PMM2: variants seen among roughly 807,000 people sequenced by gnomAD.
The protein encoded by PMM2 is phosphomannomutase 2, also known as mannose-6-phosphate isomerase.
Under a neutral mutation model 33.2 loss-of-function variants are expected in PMM2, and 35 were observed. The ratio of observed to expected loss-of-function variants is 1.06; its 90% confidence interval spans 0.81 to 1.40. The LOEUF is 1.40. Among genes scored for constraint, PMM2 ranks in the 40% most tolerant of loss-of-function variants. The pLI, the probability that PMM2 is intolerant of heterozygous loss-of-function variation, is 0.00. For synonymous variants in PMM2, 153 were observed against 114.7 expected (o/e 1.33, Z -2.13); for missense variants, 386 against 306.0 (o/e 1.26, Z -1.95).
chr16:8,808,501 C>A (rs2141021212), intron 4 of PMM2: 1 of 152,352 alleles, frequency 6.6e-6, no homozygotes, highest in East Asian at 1.9e-4. Context: ...CTGAGACCCA[C>A]CTTGATCCAC....
chr16:8,820,739 G>A (rs2060734346), intron 7 of PMM2, among the ~76,000 whole-genome samples: 1 of 152,198 alleles, frequency 6.6e-6, no homozygotes, highest in Admixed American at 6.5e-5. Flanking sequence ...CTCAGGAAAG[G>A]CAGCTGGGAC....
chr16:8,811,258 G>A (rs1270043370), intron 5 of PMM2, 80 bp downstream of exon 5: 3 of 984,246 alleles, frequency 3.0e-6, no homozygotes, highest in East Asian at 5.2e-5. Context: ...GTTCATGCCT[G>A]TAATCCCAAC....
intron 7 of PMM2, among the ~76,000 whole-genome samples, chr16:8,846,795 A>G (rs1596509068): frequency 6.6e-6 from 1 of 152,190 alleles, no homozygotes; most frequent in Non-Finnish European, 1.5e-5. Flanking sequence ...TAGAACCAGC[A>G]TCTGACCCAG....
chr16:8,808,276 G>A (rs1238622324), intron 4 of PMM2: 1 of 151,824 alleles, frequency 6.6e-6, no homozygotes, highest in African/African-American at 2.4e-5. Flanking sequence ...GTTTACTTTT[G>A]TGTGTGTTAG....
intron 7 of PMM2, among the ~76,000 whole-genome samples, chr16:8,814,417 A>G (rs547358785): frequency 2.0e-5 from 3 of 152,310 alleles, no homozygotes; most frequent in African/African-American, 4.8e-5. Context: ...CAGGTGCATC[A>G]TAAATGCTGC....
intron 7 of PMM2, among the ~76,000 whole-genome samples, chr16:8,835,120 C>T (rs56057592): frequency 7.1e-6 from 1 of 140,720 alleles, no homozygotes; most frequent in South Asian, 2.4e-4. Flanking sequence ...CCGCTGCACG[C>T]AGACATGAGG....
At chr16:8,828,528 A>G (rs182951064) in intron 7 of PMM2, among the ~76,000 whole-genome samples, 3 of 152,286 alleles carry the variant, frequency 2.0e-5, no homozygotes, top group East Asian at 1.9e-4. Context: ...ACACTGTCAC[A>G]TGTCCTCTCA....
At chr16:8,826,855 C>G (rs542297537) in intron 7 of PMM2, among the ~76,000 whole-genome samples, 25 of 152,202 alleles carry the variant, frequency 1.6e-4, no homozygotes, top group African/African-American at 5.8e-4. Context: ...CTATGCCATG[C>G]TTGGACTGTC....
At chr16:8,815,899 ATATATCTGATAAAAGGGC>A (rs1441610863) in intron 7 of PMM2, among the ~76,000 whole-genome samples, 1 of 152,162 alleles carries the variant, frequency 6.6e-6, no homozygotes, top group Non-Finnish European at 1.5e-5. Flanking sequence ...TTTGCAAACC[ATATATCTGATAAAAGGGC>A]TAGTATCCAA....
intron 7 of PMM2, among the ~76,000 whole-genome samples, chr16:8,842,981 T>G (rs886801166): frequency 4.0e-5 from 6 of 151,848 alleles, no homozygotes; most frequent in African/African-American, 1.5e-4. Context: ...AGGCTTTGGG[T>G]TGGGGAGAAG....
rs2060587973 is a variant in PMM2 at position 8,797,858 on chromosome 16, T to C, written c.-25T>C. On this transcript the variant is annotated 5_prime_UTR_variant, in exon 1 of 8. Transcript: ENST00000268261. ...GAGTTCCTCGTGCCAACGTGTCTTG[T>C]AAGGTGCGGCTAGAAACTGGGGACA... 2.5e-6 allele frequency: 4 copies of C among 1,609,104 alleles called. No individual in the cohort carries two copies. Among genetic ancestry groups the C allele is most frequent in the African/African-American group, 1.3e-5 (1 of 74,870 alleles).
intron 7 of PMM2, among the ~76,000 whole-genome samples, chr16:8,841,670 C>T (rs1409654783): frequency 1.3e-4 from 18 of 142,296 alleles, no homozygotes; most frequent in East Asian, 4.1e-4. Context: ...CTGGTGGAAC[C>T]GCCATCAATA....
chr16:8,803,653 T>G (rs1265395400), intron 2 of PMM2, among the ~76,000 whole-genome samples: 2 of 152,240 alleles, frequency 1.3e-5, no homozygotes, highest in Non-Finnish European at 2.9e-5. Flanking sequence ...AAACTGATTA[T>G]AAGAATCACT....
intron 7 of PMM2, among the ~76,000 whole-genome samples, chr16:8,841,417 G>A: frequency 6.7e-6 from 1 of 148,742 alleles, no homozygotes. Flanking sequence ...ATCTGACTCG[G>A]GGCATGTTGA....
chr16:8,806,004 A>G (rs1014162859), intron 3 of PMM2, among the ~76,000 whole-genome samples: 2 of 152,214 alleles, frequency 1.3e-5, no homozygotes, highest in African/African-American at 4.8e-5. Flanking sequence ...ATATCTGGAG[A>G]TATTTTAATT....
In PMM2 at chr16:8,836,026, A is replaced by G. The variant is rs904408869; in HGVS notation, c.640-11698A>G. Among the ~76,000 whole-genome samples the G allele has an allele frequency of 3.0e-4, 45 of 150,226 alleles. No individual in the cohort carries two copies. In the East Asian group the frequency reaches 4.1e-3, roughly 14 times the overall value. On this transcript the variant is annotated intron_variant, in intron 7 of 7. Transcript: ENST00000268261. ...ACTGGGCAGGTGGGGATAACTGAAAAGGAGTGCTTAAAAGAGTAATGTCTA... is the reference window on the plus strand; with the variant it reads ...ACTGGGCAGGTGGGGATAACTGAAAGGGAGTGCTTAAAAGAGTAATGTCTA...
intron 7 of PMM2, among the ~76,000 whole-genome samples, chr16:8,834,811 G>T (rs1406323252): frequency 6.6e-6 from 1 of 152,172 alleles, no homozygotes; most frequent in African/African-American, 2.4e-5. Flanking sequence ...GTGAGGAACA[G>T]GAAAGAAGGA....
In PMM2 at chr16:8,833,055, G is replaced by A. The variant is rs150246013; in HGVS notation, c.640-14669G>A. On this transcript the variant is annotated intron_variant, in intron 7 of 7. Coordinates refer to ENST00000268261, the MANE Select transcript of PMM2 (RefSeq NM_000303.3). ...CGGGTAGAGGGTTTCGTGCGCGTCCGTGTGAAGAGACCACCAAACGGGCTT... is the reference window on the plus strand; with the variant it reads ...CGGGTAGAGGGTTTCGTGCGCGTCCATGTGAAGAGACCACCAAACGGGCTT... The A allele has an allele frequency of 4.6e-3, 1,305 of 283,376 alleles. 10 individuals are homozygous for A. The highest frequency in any genetic ancestry group is 0.025 in the East Asian group (145 of 5,712). 17.6% of individuals were successfully genotyped at this position (283,376 alleles called of 1,614,324 possible). A position where few individuals can be genotyped will look rare whatever the true frequency, so the allele number is the denominator to read the frequency against.
At chr16:8,818,244 C>T (rs1027383763) in intron 7 of PMM2, among the ~76,000 whole-genome samples, 3 of 152,216 alleles carry the variant, frequency 2.0e-5, no homozygotes, top group African/African-American at 4.8e-5. Context: ...TCTCATTAGG[C>T]ATCAGTTACT....
Sources: allele counts gnomAD v4.1 joint callset (sites outside exome capture counted in the v4.1 genomes callset), GRCh38; gene constraint gnomAD v4.1.1; transcripts MANE v1.5; gene names NCBI Gene and HGNC (gene_info 2026-07-23, HGNC 2026-07-21).